SGCZ: variants seen among roughly 807,000 people sequenced by gnomAD.
SGCZ encodes the protein zeta-sarcoglycan.
In SGCZ, 40 loss-of-function variants were observed where a neutral mutation model predicts 41.3. The observed-to-expected ratio is 0.97, with a 90% CI of 0.75 to 1.26. The LOEUF is 1.26. SGCZ is among the 50% of genes most tolerant of loss of function. SGCZ has a pLI of 0.00. For missense variants in SGCZ, 552 were observed against 369.8 expected, an observed-to-expected ratio of 1.49 and a Z score of -4.04; for synonymous variants, 206 against 137.5, an observed-to-expected ratio of 1.50 and a Z score of -3.49.
At chr8:15,069,929 G>C (rs1039332056) in intron 1 of SGCZ, among the ~76,000 whole-genome samples, 1 of 151,532 alleles carries the variant, frequency 6.6e-6, no homozygotes, top group Non-Finnish European at 1.5e-5. Context: ...ATTAGGCACA[G>C]ACACACACAC....
At chr8:14,998,146 AATC>A (rs554202362) in intron 1 of SGCZ, among the ~76,000 whole-genome samples, 71 of 152,322 alleles carry the variant, frequency 4.7e-4, no homozygotes, top group African/African-American at 1.6e-3. Context: ...GGTAGCACGA[AATC>A]ATCAATACTT....
At chr8:15,223,122 G>A (rs960059013) in intron 1 of SGCZ, among the ~76,000 whole-genome samples, 3 of 152,108 alleles carry the variant, frequency 2.0e-5, no homozygotes, top group African/African-American at 7.2e-5. Flanking sequence ...ACCTTATGAT[G>A]CCTAAGAACC....
intron 1 of SGCZ, among the ~76,000 whole-genome samples, chr8:14,925,763 G>C (rs1021590636): frequency 6.6e-6 from 1 of 152,112 alleles, no homozygotes; most frequent in Admixed American, 6.5e-5. Flanking sequence ...TGTACCAGAT[G>C]GACAGGAAAA....
chr8:14,175,804 A>G (rs538535618), intron 4 of SGCZ, among the ~76,000 whole-genome samples: 1 of 152,272 alleles, frequency 6.6e-6, no homozygotes, highest in South Asian at 2.1e-4. Flanking sequence ...TGGATATAAA[A>G]CCAAATCCAA....
At chr8:14,401,219 A>G (rs890075252) in intron 2 of SGCZ, among the ~76,000 whole-genome samples, 1 of 152,304 alleles carries the variant, frequency 6.6e-6, no homozygotes, top group Middle Eastern at 3.4e-3. Context: ...TCAATAAAAC[A>G]CATAGGTCAT....
At chr8:14,896,637 T>C (rs540375266) in intron 1 of SGCZ, among the ~76,000 whole-genome samples, 63 of 151,832 alleles carry the variant, frequency 4.1e-4, no homozygotes, top group Admixed American at 9.2e-4. Flanking sequence ...CCACCACACC[T>C]GGCTAATTTC....
In SGCZ at chr8:14,816,915, C is replaced by T. The variant is rs73201263; in HGVS notation, c.40-261989G>A. Among the ~76,000 whole-genome samples the T allele has an allele frequency of 9.2e-3, 1,400 of 152,282 alleles. 20 individuals are homozygous for T. The highest frequency in any genetic ancestry group is 0.034 in the Middle Eastern group (10 of 294). ...GCACTTATCAATTTTAGTCCTAACA[C>T]CAAAATACATATATCACAATTACTT... On this transcript the variant is annotated intron_variant, in intron 1 of 7. Coordinates refer to ENST00000382080, the MANE Select transcript of SGCZ (RefSeq NM_139167.4).
chr8:14,570,891 G>A (rs891807679), intron 1 of SGCZ, among the ~76,000 whole-genome samples: 5 of 151,912 alleles, frequency 3.3e-5, no homozygotes, highest in South Asian at 2.1e-4. Flanking sequence ...GACTAGAAGC[G>A]ATAAGAAAGA....
At chr8:14,128,153 C>A (rs1585159959) in intron 5 of SGCZ, among the ~76,000 whole-genome samples, 1 of 152,134 alleles carries the variant, frequency 6.6e-6, no homozygotes, top group Non-Finnish European at 1.5e-5. Flanking sequence ...TAAACTATTT[C>A]AACCATTGTG....
Position 14,259,671 on chromosome 8 carries a change from T to G in SGCZ, c.337-21992A>C, listed in dbSNP as rs550757851. On this transcript the variant is annotated intron_variant, in intron 3 of 7. Coordinates refer to ENST00000382080, the MANE Select transcript of SGCZ (RefSeq NM_139167.4). The stretch of plus-strand genomic sequence containing the variant: ...CTCTGTTCTGTTCCATTGATCTATA[T>G]TTCTGTTTTGGTACCAGTACCATGC... Among the ~76,000 whole-genome samples, 12 of 138,684 alleles carry G rather than the reference T, an allele frequency of 8.7e-5. No individual in the cohort carries two copies. In the East Asian group the frequency reaches 2.4e-3, roughly 28 times the overall value. 91.0% of individuals were successfully genotyped at this position (138,684 alleles called of 152,430 possible). A position where few individuals can be genotyped will look rare whatever the true frequency, so the allele number is the denominator to read the frequency against.
intron 3 of SGCZ, among the ~76,000 whole-genome samples, chr8:14,246,425 A>G: frequency 6.7e-6 from 1 of 150,264 alleles, no homozygotes; most frequent in African/African-American, 2.4e-5. Flanking sequence ...GAAAGGGAAC[A>G]TGACACTCTG....
chr8:14,563,482 T>G (rs1400740852), intron 1 of SGCZ, among the ~76,000 whole-genome samples: 1 of 152,226 alleles, frequency 6.6e-6, no homozygotes, highest in Non-Finnish European at 1.5e-5. Context: ...TTGGCTATAT[T>G]AAGGGTCTAA....
At chr8:14,966,087 G>A (rs892111777) in intron 1 of SGCZ, among the ~76,000 whole-genome samples, 17 of 151,902 alleles carry the variant, frequency 1.1e-4, no homozygotes, top group Admixed American at 2.0e-4. Flanking sequence ...AACTGAACAT[G>A]AAGAGACACC....
At chr8:14,636,694 A>G (rs1410384946) in intron 1 of SGCZ, among the ~76,000 whole-genome samples, 6 of 151,864 alleles carry the variant, frequency 4.0e-5, no homozygotes, top group African/African-American at 1.4e-4. Context: ...GAAGGCATAT[A>G]TAGAAAGGTA....
At chr8:14,333,183 A>C (rs1169125088) in intron 2 of SGCZ, among the ~76,000 whole-genome samples, 4 of 152,170 alleles carry the variant, frequency 2.6e-5, no homozygotes, top group Non-Finnish European at 5.9e-5. Context: ...CTGGAAGTTA[A>C]GGTTACCTGC....
At chr8:15,179,911 A>G (rs905080863) in intron 1 of SGCZ, among the ~76,000 whole-genome samples, 13 of 152,206 alleles carry the variant, frequency 8.5e-5, no homozygotes, top group African/African-American at 3.1e-4. Flanking sequence ...GCAAGGAACT[A>G]CTTTGTGTAG....
intron 3 of SGCZ, among the ~76,000 whole-genome samples, chr8:14,291,919 C>A (rs1242019373): frequency 6.6e-6 from 1 of 151,986 alleles, no homozygotes; most frequent in Non-Finnish European, 1.5e-5. Context: ...GAGTTTCTGT[C>A]TAAAAGCCCC....
At chr8:14,970,809 G>A (rs1563400366) in intron 1 of SGCZ, among the ~76,000 whole-genome samples, 1 of 151,942 alleles carries the variant, frequency 6.6e-6, no homozygotes, top group African/African-American at 2.4e-5. Flanking sequence ...ATGAATTTGT[G>A]TTTGTCAATT....
intron 3 of SGCZ, among the ~76,000 whole-genome samples, chr8:14,315,937 A>T (rs989489037): frequency 6.6e-6 from 1 of 151,916 alleles, no homozygotes; most frequent in African/African-American, 2.4e-5. Context: ...GTATTAAATG[A>T]TATGTCTATG....
Sources: gnomAD v4.1 joint callset for allele counts (sites outside exome capture counted in the v4.1 genomes callset) on GRCh38, gnomAD v4.1.1 for gene constraint, MANE v1.5 for transcripts, NCBI Gene and HGNC (gene_info 2026-07-23, HGNC 2026-07-21) for gene names.